ANKRD50: variants seen among roughly 807,000 people sequenced by gnomAD.
ANKRD50 encodes the protein ankyrin repeat domain-containing protein 50.
ANKRD50 carries 40 observed loss-of-function variants against 112.0 expected under a neutral mutation model. The observed-to-expected ratio is 0.36, with a 90% CI of 0.28 to 0.46. The LOEUF (loss-of-function observed/expected upper bound fraction) is 0.46. Ranked by LOEUF, ANKRD50 falls within the 20% of genes least tolerant of loss-of-function variation. ANKRD50 has a pLI of 1.00. For synonymous variants in ANKRD50, 613 were observed against 619.1 expected, an observed-to-expected ratio of 0.99 and a Z score of 0.15; for missense variants, 1,487 against 1,701.7, an observed-to-expected ratio of 0.87 and a Z score of 2.22.
In ANKRD50 at chr4:124,667,014, C is replaced by G. The variant is rs1484515033; in HGVS notation, c.*504G>C. 1.3e-5 allele frequency: 2 copies of G among 151,764 alleles called. No homozygotes were observed. Among genetic ancestry groups the G allele is most frequent in the Admixed American group, 6.6e-5 (1 of 15,204 alleles). The allele number at this position is 151,764 out of a possible 1,614,324, so 9.4% of individuals were successfully genotyped here. On this transcript the variant is annotated 3_prime_UTR_variant, in exon 5 of 5. Coordinates refer to ENST00000504087, the MANE Select transcript of ANKRD50 (RefSeq NM_020337.3). ...TGCTGAAGGTGTAGTGAACATAGAACAGTTGCAAGATTTGTTTTATTGAGC... is the reference window on the plus strand; with the variant it reads ...TGCTGAAGGTGTAGTGAACATAGAAGAGTTGCAAGATTTGTTTTATTGAGC...
chr4:124,681,202 C>T (rs1218368772), intron 2 of ANKRD50, among the ~76,000 whole-genome samples: 1 of 152,204 alleles, frequency 6.6e-6, no homozygotes, highest in East Asian at 1.9e-4. Flanking sequence ...TCACTGCCAA[C>T]TTTAATTCAG....
intron 3 of ANKRD50, among the ~76,000 whole-genome samples, chr4:124,674,407 G>A (rs1418900375): frequency 6.6e-6 from 1 of 151,844 alleles, no homozygotes; most frequent in Non-Finnish European, 1.5e-5. Context: ...AAGGAATAAA[G>A]GAGAGCTACA....
rs201925261 is a variant in ANKRD50 at position 124,678,820 on chromosome 4, T to A, written c.598A>T (p.Ile200Phe). The A allele has an allele frequency of 5.7e-5, 92 of 1,613,754 alleles. No homozygotes were observed. Among genetic ancestry groups the A allele is most frequent in the Middle Eastern group, 3.3e-4 (2 of 6,082 alleles). ...LVDSVDEGCN[I>F]TEGEQTSTSL... Reference sequence around the variant, plus strand: ...GTAGACGTTTGTTCACCTTCAGTAATGTTACACCCTTCATCAACAGAATCA... The same window carrying A: ...GTAGACGTTTGTTCACCTTCAGTAAAGTTACACCCTTCATCAACAGAATCA... Residue 200 changes from isoleucine (I) to phenylalanine (F), a missense_variant, in exon 3 of 5, where the codon ATT (isoleucine) becomes TTT (phenylalanine). By Grantham distance (21) the Ile-to-Phe change is conservative. Transcript: ENST00000504087.
intron 3 of ANKRD50, among the ~76,000 whole-genome samples, chr4:124,673,214 C>T (rs1730700128): frequency 6.6e-6 from 1 of 152,014 alleles, no homozygotes; most frequent in Non-Finnish European, 1.5e-5. Flanking sequence ...CTAGCTATAG[C>T]TATTTTAAAC....
chr4:124,668,475 T>C (rs774380546), intron 4 of ANKRD50, among the ~76,000 whole-genome samples: 7 of 152,012 alleles, frequency 4.6e-5, no homozygotes, highest in Non-Finnish European at 1.0e-4. Flanking sequence ...ACCAAAAAGA[T>C]GAGTTTGAAA....
Position 124,710,047 on chromosome 4 carries a change from G to C in ANKRD50, c.465C>G (p.Leu155=). 1 of 1,614,162 alleles carries C rather than the reference G, an allele frequency of 6.2e-7. No homozygotes were observed. The highest frequency in any genetic ancestry group is 8.5e-7 in the Non-Finnish European group (1 of 1,180,032). ...TTCTCTCGCACTCCCCAGGCTGTAA[G>C]AGGCTTTGGACTGCTGGATCCCTTA... The part of the protein sequence containing the change: ...DKLRDPAVQS[L]LQPGECERNP... The change falls in exon 2 of 5, where the codon CTC becomes CTG. Residue 155 remains leucine, a synonymous_variant. Coordinates refer to ENST00000504087, the MANE Select transcript of ANKRD50 (RefSeq NM_020337.3).
chr4:124,686,643 G>C (rs1231349570), intron 2 of ANKRD50, among the ~76,000 whole-genome samples: 1 of 152,110 alleles, frequency 6.6e-6, no homozygotes, highest in African/African-American at 2.4e-5. Flanking sequence ...AGGATCAGAA[G>C]ACCTCACCCC....
At chr4:124,705,754 A>C (rs2110528754) in intron 2 of ANKRD50, among the ~76,000 whole-genome samples, 1 of 152,310 alleles carries the variant, frequency 6.6e-6, no homozygotes, top group East Asian at 1.9e-4. Flanking sequence ...TAGGACTACT[A>C]GGAGTCCACC....
intron 3 of ANKRD50, 114 bp downstream of exon 3, chr4:124,678,562 G>C (rs1578577047): frequency 5.7e-6 from 5 of 882,460 alleles, no homozygotes; most frequent in East Asian, 2.5e-5. Flanking sequence ...ATTGAGAATA[G>C]CTGATAGAAG....
Position 124,710,087 on chromosome 4 carries a change from C to T in ANKRD50, c.425G>A (p.Gly142Glu). The T allele has an allele frequency of 6.2e-7, 1 of 1,614,136 alleles. No homozygotes were observed. Residue 142 changes from glycine (G) to glutamate (E), a missense_variant, in exon 2 of 5, where the codon GGA becomes GAA. Coordinates refer to ENST00000504087, the MANE Select transcript of ANKRD50 (RefSeq NM_020337.3). ...AQICRSGLLQ[G>E]YEDKLRDPAV... ...TGGATCCCTTAGCTTGTCCTCATAT[C>T]CTTGGAGTAGTCCACTGCGGCAGAT...
intron 2 of ANKRD50, among the ~76,000 whole-genome samples, chr4:124,694,358 T>G (rs1398331846): frequency 1.3e-5 from 2 of 151,712 alleles, no homozygotes; most frequent in Non-Finnish European, 2.9e-5. Context: ...GAATTGAAAA[T>G]AAAAAGAAAA....
intron 2 of ANKRD50, among the ~76,000 whole-genome samples, chr4:124,705,077 G>A (rs1725474285): frequency 6.7e-6 from 1 of 150,260 alleles, no homozygotes; most frequent in Non-Finnish European, 1.5e-5. Flanking sequence ...CTGGGTAACA[G>A]AGCAAGACTC....
In ANKRD50 at chr4:124,669,156, A is replaced by G. The variant is rs762055333; in HGVS notation, c.4121T>C (p.Val1374Ala). Residue 1374 changes from valine (V) to alanine (A), a missense_variant, in exon 4 of 5, where the codon GTT (valine) becomes GCT (alanine). Around this residue, in one of 2 missense-constraint regions of ANKRD50, gnomAD observed 441 missense variants for 432.2 expected, o/e 1.02. Transcript: ENST00000504087. Reference protein sequence around the residue: ...NPNYHLQSNQVFLGRVSVPRT... With the variant: ...NPNYHLQSNQAFLGRVSVPRT... The stretch of plus-strand genomic sequence containing the variant: ...TGGGACTGAAACCCTACCAAGAAAA[A>G]CCTGGTTGCTCTGAAGATGATAATT... 3.0e-5 allele frequency: 49 copies of G among 1,613,392 alleles called. No homozygotes were observed. The highest frequency in any genetic ancestry group is 9.4e-5 in the African/African-American group (7 of 74,864).
intron 2 of ANKRD50, among the ~76,000 whole-genome samples, chr4:124,703,424 G>T (rs1308413952): frequency 6.6e-6 from 1 of 152,006 alleles, no homozygotes; most frequent in Non-Finnish European, 1.5e-5. Flanking sequence ...GCAAATTCTG[G>T]GAGTGATAAA....
chr4:124,698,794 T>C (rs1015870449), intron 2 of ANKRD50, among the ~76,000 whole-genome samples: 2 of 152,146 alleles, frequency 1.3e-5, no homozygotes, highest in Non-Finnish European at 2.9e-5. Flanking sequence ...ATAGGTTATT[T>C]TGTGGGAATT....
chr4:124,680,603 A>G (rs1468215524), intron 2 of ANKRD50, among the ~76,000 whole-genome samples: 1 of 152,230 alleles, frequency 6.6e-6, no homozygotes, highest in Non-Finnish European at 1.5e-5. Context: ...CATTATGAGC[A>G]TAAAGATGGC....
Position 124,670,880 on chromosome 4 carries a change from T to A in ANKRD50, c.2397A>T (p.Thr799=). 1 of 1,613,792 alleles carries A rather than the reference T, an allele frequency of 6.2e-7. No individual in the cohort carries two copies. Among genetic ancestry groups the A allele is most frequent in the South Asian group, 1.1e-5 (1 of 91,070 alleles). ...ASMGHASVVN[T]LLFWGAAVDS... is the part of the protein sequence containing the mutation. ...CCACAGCTGCACCCCAAAACAAAAG[T>A]GTATTTACAACTGATGCATGACCCA... The change falls in exon 4 of 5, where the codon ACA becomes ACT. Residue 799 remains threonine, a synonymous_variant. Transcript: ENST00000504087.
chr4:124,667,579 A>G (rs932465781), intron 4 of ANKRD50, 65 bp from the exon 5 acceptor site: 2 of 152,014 alleles, frequency 1.3e-5, no homozygotes, highest in Non-Finnish European at 2.9e-5. Context: ...ATCATTTTAA[A>G]ACTTTATTTA....
chr4:124,671,820 A>G lies in ANKRD50; in HGVS notation c.1457T>C (p.Leu486Pro), dbSNP rs1337762205. The change falls in exon 4 of 5, where the codon CTT becomes CCT. Residue 486 changes from leucine (L) to proline (P), a missense_variant. Transcript: ENST00000504087. ...TTGTTCCTTGGGTATCAAAGTAGAA[A>G]GGGAATCTCTGACAGGTGTACCATT... ...IWNGTPVRDS[L>P]STLIPKEQEV... The G allele has an allele frequency of 1.9e-6, 3 of 1,613,884 alleles. No individual in the cohort carries two copies. The highest frequency in any genetic ancestry group is 2.5e-6 in the Non-Finnish European group (3 of 1,179,868).
Sources: allele counts gnomAD v4.1 joint callset (sites outside exome capture counted in the v4.1 genomes callset), GRCh38; gene constraint gnomAD v4.1.1; regional missense constraint gnomAD v4.1.1; transcripts MANE v1.5; gene names NCBI Gene and HGNC (gene_info 2026-07-23, HGNC 2026-07-21).